The following SLC38A6 variants were observed in gnomAD, a reference collection of about 807,000 sequenced individuals.
SLC38A6 encodes solute carrier family 38 member 6, also known as N system amino acid transporter NAT-1.
Under a neutral mutation model 65.0 loss-of-function variants are expected in SLC38A6, and 73 were observed. The observed-to-expected ratio is 1.12, with a 90% CI of 0.93 to 1.37. The LOEUF is 1.37. Among genes scored for constraint, SLC38A6 ranks in the 40% most tolerant of loss-of-function variants. SLC38A6 has a pLI of 0.00. For synonymous variants in SLC38A6, 183 were observed against 178.8 expected, an observed-to-expected ratio of 1.02 and a Z score of -0.19; for missense variants, 561 against 531.1, an observed-to-expected ratio of 1.06 and a Z score of -0.55.
rs572531192 is a variant in SLC38A6 at position 61,011,535 on chromosome 14, A to C, written c.311-4369A>C. On this transcript the variant is annotated intron_variant, in intron 3 of 15. Coordinates refer to ENST00000267488, the MANE Select transcript of SLC38A6 (RefSeq NM_153811.3). ...TGTGGGTTTGTCATAGATAGCTCTTATTATTTTGAGATACGTCCCATCAAT... is the reference window on the plus strand; with the variant it reads ...TGTGGGTTTGTCATAGATAGCTCTTCTTATTTTGAGATACGTCCCATCAAT... Among the ~76,000 whole-genome samples the C allele has an allele frequency of 3.9e-5, 6 of 152,174 alleles. No individual in the cohort carries two copies. The South Asian group carries it at 6.2e-4, about 16-fold the overall frequency.
intron 3 of SLC38A6, among the ~76,000 whole-genome samples, chr14:61,013,303 A>C (rs1255354000): frequency 6.6e-6 from 1 of 152,180 alleles, no homozygotes; most frequent in Non-Finnish European, 1.5e-5. Flanking sequence ...GGGTCTGCTG[A>C]ATACAGCACA....
intron 3 of SLC38A6, among the ~76,000 whole-genome samples, chr14:60,992,265 T>C (rs1480824382): frequency 6.6e-6 from 1 of 152,216 alleles, no homozygotes; most frequent in Non-Finnish European, 1.5e-5. Flanking sequence ...CTTTGTGAGC[T>C]CAACGTGTTT....
chr14:61,020,540 A>G (rs956526920), intron 5 of SLC38A6, among the ~76,000 whole-genome samples: 7 of 152,138 alleles, frequency 4.6e-5, no homozygotes, highest in African/African-American at 1.7e-4. Flanking sequence ...TTGACATTCC[A>G]CCAGTGAATT....
rs760044387 is a variant in SLC38A6, at chr14:60,982,520, C to G, written c.118C>G (p.Gln40Glu). ...SPLLSNELHR[Q>E]RSPGVSFGLS... ...TGTGTGCTTACAGGAACTTCACAGA[C>G]AGCGATCCCCAGGTGTTTCATTTGG... The change falls in exon 2 of 16, where the codon CAG becomes GAG. Residue 40 changes from glutamine to glutamate, a missense_variant. Transcript: ENST00000267488. 6.2e-7 allele frequency: 1 copy of G among 1,610,020 alleles called. No homozygotes were observed. The highest frequency in any genetic ancestry group is 1.3e-5 in the African/African-American group (1 of 74,632).
intron 15 of SLC38A6, among the ~76,000 whole-genome samples, chr14:61,068,560 C>A (rs1427484835): frequency 6.6e-6 from 1 of 152,180 alleles, no homozygotes; most frequent in Admixed American, 6.5e-5. Context: ...TTTTCAAAGA[C>A]CTTTGCAAGC....
chr14:61,039,894 A>C (rs2041681935), intron 8 of SLC38A6, among the ~76,000 whole-genome samples: 1 of 152,088 alleles, frequency 6.6e-6, no homozygotes, highest in Non-Finnish European at 1.5e-5. Flanking sequence ...ATATAAACTA[A>C]AACCTATATT....
At chr14:61,077,422 G>T (rs918755017) in intron 15 of SLC38A6, among the ~76,000 whole-genome samples, 2 of 152,142 alleles carry the variant, frequency 1.3e-5, no homozygotes, top group Non-Finnish European at 2.9e-5. Flanking sequence ...ACCTTTGGGA[G>T]CGAAAAATAT....
intron 3 of SLC38A6, among the ~76,000 whole-genome samples, chr14:60,997,640 G>C (rs568712664): frequency 6.6e-6 from 1 of 152,300 alleles, no homozygotes; most frequent in East Asian, 1.9e-4. Context: ...TGTTAAAAAA[G>C]TCAGAATAAA....
At chr14:61,015,393 A>T (rs964507699) in intron 3 of SLC38A6, among the ~76,000 whole-genome samples, 1 of 152,034 alleles carries the variant, frequency 6.6e-6, no homozygotes, top group Admixed American at 6.6e-5. Context: ...ACTGTCCTGC[A>T]CCCACTGTCC....
chr14:61,042,965 C>T (rs185905547), intron 8 of SLC38A6, among the ~76,000 whole-genome samples, 182 bp from the exon 9 acceptor site: 9 of 152,244 alleles, frequency 5.9e-5, no homozygotes, highest in Admixed American at 2.0e-4. Flanking sequence ...AGTCTCCAAC[C>T]GCCTCCCTAC....
At chr14:61,021,205 G>T (rs1250389120) in intron 5 of SLC38A6, among the ~76,000 whole-genome samples, 2 of 152,104 alleles carry the variant, frequency 1.3e-5, no homozygotes, top group Non-Finnish European at 2.9e-5. Flanking sequence ...TAAACTTGTT[G>T]AGCAGAATAG....
intron 3 of SLC38A6, among the ~76,000 whole-genome samples, chr14:61,000,765 G>A (rs1375585333): frequency 6.6e-5 from 10 of 152,114 alleles, no homozygotes; most frequent in Non-Finnish European, 1.5e-4. Flanking sequence ...CCTCAGCATC[G>A]TTTGGGTATC....
rs1374166922 is a variant in SLC38A6, at chr14:61,004,968, A to C, written c.311-10936A>C. 6.6e-5 allele frequency among the ~76,000 whole-genome samples: 10 copies of C among 152,142 alleles called. No homozygotes were observed. In the East Asian group the frequency reaches 1.9e-3, roughly 29 times the overall value. ...ATACTGGCAAACTGAATCCAGCAGC[A>C]CATCAAAAAGCTTATCCACCATGAT... On this transcript the variant is annotated intron_variant, in intron 3 of 15. Coordinates refer to ENST00000267488, the MANE Select transcript of SLC38A6 (RefSeq NM_153811.3).
In SLC38A6 at chr14:61,037,691, T is replaced by TA. The variant is rs34152961; in HGVS notation, c.624+12dup. ...ATGTTCTTTGCTCTTGTGGTAAGTT[T>TA]AAAATATAATACATTGCTTATCTCC... On this transcript the variant is annotated intron_variant, in intron 8 of 15. Transcript: ENST00000267488. 1 of 1,534,564 alleles carries TA rather than the reference T, an allele frequency of 6.5e-7. No individual in the cohort carries two copies. Among genetic ancestry groups the TA allele is most frequent in the Non-Finnish European group, 8.9e-7 (1 of 1,117,606 alleles).
rs2039862240 is a variant in SLC38A6 at position 61,014,734 on chromosome 14, T to C, written c.311-1170T>C. On this transcript the variant is annotated intron_variant, in intron 3 of 15. Coordinates refer to ENST00000267488, the MANE Select transcript of SLC38A6 (RefSeq NM_153811.3). ...AACAGCAAATGTTGCTGCCTGATCG[T>C]TCCTCTGGAAGTTTTGTCTCAGAGG... is the stretch of plus-strand genomic sequence containing the variant. 1.3e-5 allele frequency among the ~76,000 whole-genome samples: 2 copies of C among 152,178 alleles called. 1 individual carries two copies. Among genetic ancestry groups the C allele is most frequent in the South Asian group, 4.1e-4 (2 of 4,824 alleles).
At chr14:61,006,517 C>T (rs943158577) in intron 3 of SLC38A6, among the ~76,000 whole-genome samples, 20 of 152,084 alleles carry the variant, frequency 1.3e-4, no homozygotes, top group Non-Finnish European at 2.4e-4. Context: ...GGGCGAAGGA[C>T]ATGAACAGAT....
intron 5 of SLC38A6, among the ~76,000 whole-genome samples, chr14:61,020,655 T>C (rs547741708): frequency 8.5e-5 from 13 of 152,238 alleles, no homozygotes; most frequent in Admixed American, 7.2e-4. Context: ...AATTTTCTCC[T>C]AACACACACT....
intron 1 of SLC38A6, chr14:60,981,595 A>G: frequency 6.7e-7 from 1 of 1,502,070 alleles, no homozygotes; most frequent in Non-Finnish European, 8.9e-7. Flanking sequence ...CTAGAAAGAA[A>G]AGATGAAAAG....
rs1261251547 is a variant in SLC38A6, at chr14:61,040,370, C to T, written c.624+2687C>T. On this transcript the variant is annotated intron_variant, in intron 8 of 15. Transcript: ENST00000267488. ...TTTTTTTTTTTTTGAGATGGAGTCT[C>T]ACTCTGTCACCCAGGCTGGAGTGCA... is the stretch of plus-strand genomic sequence containing the variant. Among the ~76,000 whole-genome samples, 6 of 143,656 alleles carry T rather than the reference C, an allele frequency of 4.2e-5. No homozygotes were observed. The East Asian group carries it at 8.1e-4, about 19-fold the overall frequency. 94.2% of individuals were successfully genotyped at this position (143,656 alleles called of 152,430 possible). A position where few individuals can be genotyped will look rare whatever the true frequency, so the allele number is the denominator to read the frequency against.
Sources: gnomAD v4.1 joint callset for allele counts (sites outside exome capture counted in the v4.1 genomes callset) on GRCh38, gnomAD v4.1.1 for gene constraint, MANE v1.5 for transcripts, NCBI Gene and HGNC (gene_info 2026-07-23, HGNC 2026-07-21) for gene names.